The following CHRM3 variants were observed in gnomAD, a reference collection of about 807,000 sequenced individuals.
The protein encoded by CHRM3 is cholinergic receptor muscarinic 3.
Under a neutral mutation model 41.8 loss-of-function variants are expected in CHRM3, and 11 were observed. The observed-to-expected ratio is 0.26, with a 90% CI of 0.17 to 0.44. CHRM3 has a LOEUF of 0.44. Ranked by LOEUF, CHRM3 falls within the 20% of genes least tolerant of loss-of-function variation. The pLI is 1.00. For missense variants in CHRM3, 571 were observed against 745.4 expected (o/e 0.77, Z 2.72); for synonymous variants, 297 against 301.4 (o/e 0.99, Z 0.15).
chr1:239,791,763 G>A (rs1313118201), intron 5 of CHRM3, among the ~76,000 whole-genome samples: 1 of 152,172 alleles, frequency 6.6e-6, no homozygotes, highest in Non-Finnish European at 1.5e-5. Flanking sequence ...ACTGAGATGG[G>A]TAAGAAAGGA....
chr1:239,796,816 A>C (rs1669814706), intron 5 of CHRM3, among the ~76,000 whole-genome samples: 1 of 152,086 alleles, frequency 6.6e-6, no homozygotes, highest in South Asian at 2.1e-4. Flanking sequence ...CATTGTACCC[A>C]GTGGGTAGCT....
At chr1:239,661,441 A>G (rs1223293989) in intron 4 of CHRM3, among the ~76,000 whole-genome samples, 1 of 152,248 alleles carries the variant, frequency 6.6e-6, no homozygotes, top group Admixed American at 6.5e-5. Context: ...GAATGAAATA[A>G]TAAACAGTGG....
intron 6 of CHRM3, among the ~76,000 whole-genome samples, chr1:239,882,434 A>AAT (rs1409186618): frequency 6.6e-6 from 1 of 152,162 alleles, no homozygotes; most frequent in East Asian, 1.9e-4. Context: ...CACTGTTCAA[A>AAT]ATATATGTAT....
chr1:239,476,021 G>A (rs1666444692), intron 1 of CHRM3, among the ~76,000 whole-genome samples: 1 of 151,898 alleles, frequency 6.6e-6, no homozygotes, highest in Non-Finnish European at 1.5e-5. Flanking sequence ...AAAGCAGAGA[G>A]AAAAATGAAC....
At chr1:239,881,234 G>C (rs1485509482) in intron 6 of CHRM3, among the ~76,000 whole-genome samples, 6 of 120,868 alleles carry the variant, frequency 5.0e-5, no homozygotes, top group African/African-American at 1.9e-4. Flanking sequence ...AGTGAGCCGA[G>C]ATCCCGCCCC....
At chr1:239,730,189 T>C (rs556990382) in intron 5 of CHRM3, among the ~76,000 whole-genome samples, 1 of 152,172 alleles carries the variant, frequency 6.6e-6, no homozygotes, top group East Asian at 1.9e-4. Flanking sequence ...AATTGTTTTT[T>C]ATCCTCAATT....
At chr1:239,597,531 G>A (rs1482583865) in intron 3 of CHRM3, among the ~76,000 whole-genome samples, 2 of 151,818 alleles carry the variant, frequency 1.3e-5, no homozygotes, top group African/African-American at 4.8e-5. Flanking sequence ...CTCATGAATT[G>A]TTTCTAATTA....
chr1:239,441,691 T>C lies in CHRM3; in HGVS notation c.-520-51018T>C, dbSNP rs186466675. ...TGTGATAAAATAAGGCACTGAAGATTCTTTCAAATAAGCCCTTGGAGGAGA... is the reference window on the plus strand; with the variant it reads ...TGTGATAAAATAAGGCACTGAAGATCCTTTCAAATAAGCCCTTGGAGGAGA... On this transcript the variant is annotated intron_variant, in intron 1 of 6. Coordinates refer to ENST00000676153, the MANE Select transcript of CHRM3 (RefSeq NM_001375978.1). Among the ~76,000 whole-genome samples, 12 of 151,714 alleles carry C rather than the reference T, an allele frequency of 7.9e-5. No individual in the cohort carries two copies. The East Asian group carries it at 2.1e-3, about 27-fold the overall frequency.
chr1:239,747,358 C>T (rs986484774), intron 5 of CHRM3, among the ~76,000 whole-genome samples: 5 of 152,102 alleles, frequency 3.3e-5, no homozygotes, highest in Non-Finnish European at 5.9e-5. Context: ...AAATTCAGTT[C>T]AAGTTTGTAG....
At chr1:239,762,969 G>A (rs954809882) in intron 5 of CHRM3, among the ~76,000 whole-genome samples, 3 of 152,114 alleles carry the variant, frequency 2.0e-5, no homozygotes, top group African/African-American at 7.2e-5. Flanking sequence ...AGTCATAATT[G>A]TAAAACTATT....
intron 1 of CHRM3, among the ~76,000 whole-genome samples, chr1:239,471,156 GA>G (rs1666092736): frequency 6.6e-6 from 1 of 152,134 alleles, no homozygotes; most frequent in African/African-American, 2.4e-5. Context: ...TTGAGATAAT[GA>G]ATCACTAATT....
chr1:239,571,436 G>A (rs1661819608), intron 3 of CHRM3, among the ~76,000 whole-genome samples: 1 of 152,196 alleles, frequency 6.6e-6, no homozygotes, highest in African/African-American at 2.4e-5. Flanking sequence ...GAGGTGCACA[G>A]CTGTGAAATT....
At chr1:239,540,629 A>T (rs1399142839) in intron 2 of CHRM3, among the ~76,000 whole-genome samples, 1 of 152,216 alleles carries the variant, frequency 6.6e-6, no homozygotes, top group Non-Finnish European at 1.5e-5. Context: ...GGAACTTCAA[A>T]TAAGTTACCT....
At chr1:239,842,139 C>T (rs1285932569) in intron 6 of CHRM3, among the ~76,000 whole-genome samples, 1 of 151,574 alleles carries the variant, frequency 6.6e-6, no homozygotes, top group Non-Finnish European at 1.5e-5. Context: ...TGTCATCTAT[C>T]AAGTCCTATG....
chr1:239,820,818 T>C (rs1671979738), intron 5 of CHRM3, among the ~76,000 whole-genome samples: 1 of 152,206 alleles, frequency 6.6e-6, no homozygotes, highest in Non-Finnish European at 1.5e-5. Flanking sequence ...GGAACCATTA[T>C]ATGAATGTAT....
chr1:239,530,104 C>A (rs1012011933), intron 2 of CHRM3, among the ~76,000 whole-genome samples: 3 of 152,024 alleles, frequency 2.0e-5, no homozygotes, highest in Non-Finnish European at 1.5e-5. Flanking sequence ...GGGGTTTCAC[C>A]GTGTTAGCCA....
chr1:239,598,013 GCA>G (rs887038687), intron 3 of CHRM3, among the ~76,000 whole-genome samples: 5 of 152,034 alleles, frequency 3.3e-5, no homozygotes, highest in African/African-American at 1.2e-4. Flanking sequence ...ATTCACTTCT[GCA>G]TCATAAAATT....
intron 6 of CHRM3, among the ~76,000 whole-genome samples, chr1:239,899,423 A>G (rs1679312064): frequency 6.6e-6 from 1 of 151,546 alleles, no homozygotes; most frequent in Admixed American, 6.6e-5. Context: ...ATATACACAC[A>G]TATCTATACA....
chr1:239,723,229 C>A (rs192317250), intron 5 of CHRM3, among the ~76,000 whole-genome samples: 1 of 151,788 alleles, frequency 6.6e-6, no homozygotes, highest in Non-Finnish European at 1.5e-5. Flanking sequence ...ATACATGAAA[C>A]AATTCTGTTC....
Sources: gnomAD v4.1 joint callset for allele counts (sites outside exome capture counted in the v4.1 genomes callset) on GRCh38, gnomAD v4.1.1 for gene constraint, MANE v1.5 for transcripts, NCBI Gene and HGNC (gene_info 2026-07-23, HGNC 2026-07-21) for gene names.